IPP: variants seen among roughly 807,000 people sequenced by gnomAD.
The protein encoded by IPP is intracisternal A particle-promoted polypeptide.
In IPP, 41 loss-of-function variants were observed where a neutral mutation model predicts 64.1. The ratio of observed to expected loss-of-function variants is 0.64; its 90% CI spans 0.50 to 0.83. The LOEUF (loss-of-function observed/expected upper bound fraction) is 0.83, where lower values mean the gene tolerates loss of function less well. Ranked by LOEUF, IPP falls within the 40% of genes least tolerant of loss-of-function variation. The pLI is 0.00. For missense variants in IPP, 649 were observed against 703.0 expected (o/e 0.92, Z 0.87); for synonymous variants, 214 against 235.2 (o/e 0.91, Z 0.83).
intron 5 of IPP, among the ~76,000 whole-genome samples, chr1:45,725,542 G>A (rs1244966870): frequency 7.2e-5 from 10 of 138,390 alleles, no homozygotes; most frequent in African/African-American, 2.4e-4. Flanking sequence ...CCCCTACTGG[G>A]AAGTGAGGAG....
intron 1 of IPP, among the ~76,000 whole-genome samples, chr1:45,748,069 T>G (rs1389237792): frequency 6.6e-6 from 1 of 152,080 alleles, no homozygotes; most frequent in Non-Finnish European, 1.5e-5. Flanking sequence ...TTTCTAGGAA[T>G]TAACTTATTG....
rs768446746 is a variant in IPP at position 45,746,395 on chromosome 1, C to G, written c.17G>C (p.Cys6Ser). 2 of 1,611,906 alleles carry G rather than the reference C, an allele frequency of 1.2e-6. No individual in the cohort carries two copies. Among genetic ancestry groups the G allele is most frequent in the East Asian group, 4.5e-5 (2 of 44,854 alleles). MANED[C>S]PKAADSPFSS... is the part of the protein sequence containing the mutation. ...AAAAGGACTATCAGCAGCCTTGGGA[C>G]AGTCCTCATTAGCCATGATGACGGT... Residue 6 changes from cysteine (C) to serine (S), a missense_variant, in exon 2 of 9, where the codon TGT (cysteine) becomes TCT (serine). Physicochemically the swap from Cys to Ser is moderately radical, Grantham distance 112. Coordinates refer to ENST00000396478, the MANE Select transcript of IPP (RefSeq NM_005897.3).
At chr1:45,707,416 C>A (rs1645525909) in intron 8 of IPP, among the ~76,000 whole-genome samples, 1 of 98,770 alleles carries the variant, frequency 1.0e-5, no homozygotes, top group African/African-American at 3.7e-5. Flanking sequence ...GAGCAAGACT[C>A]CATATCAAAA....
intron 2 of IPP, among the ~76,000 whole-genome samples, chr1:45,743,287 G>C (rs1364748897): frequency 6.7e-6 from 1 of 149,338 alleles, no homozygotes; most frequent in Non-Finnish European, 1.5e-5. Context: ...GCCCAGGCTA[G>C]AGTACAGTGG....
At chr1:45,725,157 T>G (rs865828587) in intron 5 of IPP, among the ~76,000 whole-genome samples, 9,147 of 24,964 alleles carry the variant, frequency 0.37, 1,675 homozygotes, top group East Asian at 0.48. Context: ...CGTCCGGGAG[T>G]GGGGTGGGGG....
chr1:45,733,635 C>A (rs1182748693), intron 3 of IPP, among the ~76,000 whole-genome samples: 1 of 151,796 alleles, frequency 6.6e-6, no homozygotes, highest in Non-Finnish European at 1.5e-5. Context: ...AGTTCAAAAC[C>A]AGCCTGGCCA....
chr1:45,725,951 C>A (rs1339649642), intron 5 of IPP, among the ~76,000 whole-genome samples: 1 of 119,782 alleles, frequency 8.3e-6, no homozygotes, highest in African/African-American at 2.9e-5. Context: ...ACAAACACTG[C>A]GGAAGGCCGC....
intron 5 of IPP, among the ~76,000 whole-genome samples, chr1:45,725,778 T>G (rs1366865594): frequency 1.4e-5 from 2 of 140,432 alleles, no homozygotes; most frequent in Non-Finnish European, 3.1e-5. Context: ...CCTGTTGATC[T>G]GTGACCTTAC....
chr1:45,706,536 G>A (rs1188641807), intron 8 of IPP, among the ~76,000 whole-genome samples: 1 of 152,092 alleles, frequency 6.6e-6, no homozygotes, highest in Non-Finnish European at 1.5e-5. Flanking sequence ...TGCAACCTCT[G>A]CCTTCCAGGT....
At chr1:45,695,474 A>G (rs370863169), downstream of IPP, among the ~76,000 whole-genome samples, 5 of 152,274 alleles carry the variant, frequency 3.3e-5, no homozygotes, top group East Asian at 5.8e-4. Flanking sequence ...AAGCTTTCTT[A>G]AAACAGCAAA....
At position 45,698,814 on chromosome 1, in the gene IPP, G is replaced by A; in HGVS notation, c.*1152C>T. ...GCTCACTGCAGCCTTGACCTCCTGG[G>A]CTCAAGTGATCCTGCAACCTCAGCC... On this transcript the variant is annotated 3_prime_UTR_variant, in exon 9 of 9. Transcript: ENST00000396478. 1 of 354,068 alleles carries A rather than the reference G, an allele frequency of 2.8e-6. No homozygotes were observed. The highest frequency in any genetic ancestry group is 3.9e-6 in the Non-Finnish European group (1 of 253,934). 21.9% of individuals were successfully genotyped at this position (354,068 alleles called of 1,614,324 possible).
chr1:45,701,608 G>A lies in IPP; in HGVS notation c.1531-1418C>T, dbSNP rs59867512. 6.2e-3 allele frequency among the ~76,000 whole-genome samples: 947 copies of A among 152,256 alleles called. 7 individuals carry two copies. Among genetic ancestry groups the A allele is most frequent in the African/African-American group, 0.022 (914 of 41,544 alleles). On this transcript the variant is annotated intron_variant, in intron 8 of 8. Transcript: ENST00000396478. ...AGCGACTAGTAGTGTCTTACTTGAG[G>A]GAAAACGTCCATACTCAGAAAACAA...
In IPP at chr1:45,741,283, T is replaced by A. The variant is rs777083520; in HGVS notation, c.342A>T (p.Ala114=). The A allele has an allele frequency of 6.2e-7, 1 of 1,614,052 alleles. No individual in the cohort carries two copies. The highest frequency in any genetic ancestry group is 8.5e-7 in the Non-Finnish European group (1 of 1,179,914). The change falls in exon 3 of 9, where the codon GCA becomes GCT. Residue 114 remains alanine (A), a synonymous_variant. Coordinates refer to ENST00000396478, the MANE Select transcript of IPP (RefSeq NM_005897.3). ...VNNVQELIIA[A]DMLQLTEVVH... Reference sequence around the variant, plus strand: ...CAACTTCAGTCAACTGTAGCATGTCTGCTGCAATAATCAACTCCTGGACAT... The same window carrying A: ...CAACTTCAGTCAACTGTAGCATGTCAGCTGCAATAATCAACTCCTGGACAT...
At chr1:45,703,502 T>A (rs1334804844) in intron 8 of IPP, among the ~76,000 whole-genome samples, 4 of 151,024 alleles carry the variant, frequency 2.6e-5, no homozygotes, top group Non-Finnish European at 5.9e-5. Context: ...CAAGATATTC[T>A]GCAAATATCC....
At position 45,741,631 on chromosome 1, in the gene IPP, T is replaced by C. The variant is rs1341651182; in HGVS notation, c.293-299A>G. 9.7e-5 allele frequency among the ~76,000 whole-genome samples: 6 copies of C among 61,726 alleles called. 1 individual carries two copies. The highest frequency in any genetic ancestry group is 1.6e-4 in the Non-Finnish European group (5 of 31,548). 40.5% of individuals were successfully genotyped at this position (61,726 alleles called of 152,430 possible). On this transcript the variant is annotated intron_variant, in intron 2 of 8. Coordinates refer to ENST00000396478, the MANE Select transcript of IPP (RefSeq NM_005897.3). ...ATTATTTTTCTTATTTTCTTTTTTT[T>C]TTTTTTTTTTTTTTTGAGACGGAGT...
intron 1 of IPP, among the ~76,000 whole-genome samples, chr1:45,750,214 C>T (rs1460058068): frequency 2.0e-5 from 3 of 152,236 alleles, no homozygotes; most frequent in African/African-American, 7.2e-5. Context: ...ACCCGTGGTT[C>T]TTTGTGCTTG....
At chr1:45,706,817 A>G (rs909317505) in intron 8 of IPP, among the ~76,000 whole-genome samples, 3 of 152,242 alleles carry the variant, frequency 2.0e-5, no homozygotes, top group Admixed American at 1.3e-4. Flanking sequence ...TTAACAAAAC[A>G]AAATTCAACA....
At chr1:45,717,167 A>G in intron 6 of IPP, 150 bp from the exon 7 acceptor site, 1 of 522,154 alleles carries the variant, frequency 1.9e-6, no homozygotes, top group East Asian at 6.0e-5. Context: ...TGAAAAAGTT[A>G]GAATTTGACC....
intron 3 of IPP, among the ~76,000 whole-genome samples, chr1:45,739,178 A>C (rs1245149034): frequency 3.3e-5 from 5 of 152,222 alleles, no homozygotes; most frequent in Non-Finnish European, 7.3e-5. Context: ...TTAGTAGTGT[A>C]TTTAACTTGT....
Sources: allele counts gnomAD v4.1 joint callset (sites outside exome capture counted in the v4.1 genomes callset), GRCh38; gene constraint gnomAD v4.1.1; transcripts MANE v1.5; gene names NCBI Gene and HGNC (gene_info 2026-07-23, HGNC 2026-07-21).